The following COLEC10 variants were observed in gnomAD, a reference collection of about 807,000 sequenced individuals.
COLEC10 encodes collectin-10.
A neutral mutation model predicts 28.4 loss-of-function variants in COLEC10; 22 were observed. The ratio of observed to expected loss-of-function variants is 0.78; its 90% CI spans 0.55 to 1.11. The LOEUF (loss-of-function observed/expected upper bound fraction) is 1.11, where lower values mean the gene tolerates loss of function less well. Among genes scored for constraint, COLEC10 ranks in the 50% least tolerant of loss-of-function variants. The pLI, the probability that COLEC10 is intolerant of heterozygous loss-of-function variation, is 0.00. For synonymous variants in COLEC10, 125 were observed against 116.1 expected, an observed-to-expected ratio of 1.08 and a Z score of -0.49; for missense variants, 361 against 344.1, an observed-to-expected ratio of 1.05 and a Z score of -0.39.
At chr8:119,067,584 G>T (rs1814996838) in intron 1 of COLEC10, 155 bp downstream of exon 1, 3 of 660,404 alleles carry the variant, frequency 4.5e-6, no homozygotes, top group Non-Finnish European at 7.5e-6. Flanking sequence ...TTCCAGATCT[G>T]GTCTGTTACT....
chr8:119,070,493 C>G (rs13252021), intron 1 of COLEC10, among the ~76,000 whole-genome samples: 1 of 93,070 alleles, frequency 1.1e-5, no homozygotes, highest in African/African-American at 4.3e-5. Flanking sequence ...CCCTCCTTCC[C>G]TCCCTCTCTC....
intron 1 of COLEC10, among the ~76,000 whole-genome samples, chr8:119,071,863 C>T (rs1356253300): frequency 1.3e-5 from 2 of 152,180 alleles, no homozygotes; most frequent in Non-Finnish European, 1.5e-5. Context: ...AATCTATTAA[C>T]ACAACTATTT....
upstream of COLEC10, among the ~76,000 whole-genome samples, chr8:119,065,339 C>A (rs566306580): frequency 3.3e-5 from 5 of 152,190 alleles, no homozygotes; most frequent in African/African-American, 4.8e-5. Flanking sequence ...CATAGGAGCA[C>A]AAACCCTATT....
the COLEC10 span, among the ~76,000 whole-genome samples, chr8:118,960,864 G>C: frequency 5.3e-5 from 8 of 150,978 alleles, no homozygotes; most frequent in Non-Finnish European, 1.2e-4. Context: ...CAGACAATAT[G>C]GATCACCTGT....
At chr8:119,077,165 T>C (rs1381541628) in intron 1 of COLEC10, among the ~76,000 whole-genome samples, 1 of 151,872 alleles carries the variant, frequency 6.6e-6, no homozygotes, top group East Asian at 1.9e-4. Context: ...CTTTCCTCAA[T>C]TGGAGCACAC....
intron 2 of COLEC10, among the ~76,000 whole-genome samples, chr8:119,013,802 A>G (rs1813942769): frequency 6.6e-6 from 1 of 150,450 alleles, no homozygotes; most frequent in South Asian, 2.1e-4. Flanking sequence ...CTTTATTTTG[A>G]TTAGTATTAG....
the COLEC10 span, among the ~76,000 whole-genome samples, chr8:118,958,485 T>G: frequency 6.6e-6 from 1 of 152,234 alleles, no homozygotes; most frequent in Non-Finnish European, 1.5e-5. Context: ...GACTTACTTG[T>G]TCTAACTCCT....
At chr8:119,019,953 C>T (rs1268130429) in intron 2 of COLEC10, among the ~76,000 whole-genome samples, 2 of 152,172 alleles carry the variant, frequency 1.3e-5, no homozygotes, top group East Asian at 3.9e-4. Flanking sequence ...TACAAGTTTA[C>T]ATTTGATTCT....
At chr8:119,091,601 GAAAGAAAGAA>G (rs748171954) in intron 3 of COLEC10, among the ~76,000 whole-genome samples, 51,259 of 118,824 alleles carry the variant, frequency 0.43, 9,854 homozygotes, top group Middle Eastern at 0.5. Context: ...GAGAGAGAAA[GAAAGAAAGAA>G]AGAAAGAAAG....
the COLEC10 span, among the ~76,000 whole-genome samples, chr8:118,956,479 C>T: frequency 1.3e-5 from 2 of 152,238 alleles, no homozygotes; most frequent in South Asian, 4.1e-4. Context: ...CCTCAGCAGT[C>T]CATAACAGGG....
intron 1 of COLEC10, among the ~76,000 whole-genome samples, chr8:119,083,079 A>C (rs1815399109): frequency 2.0e-5 from 3 of 152,222 alleles, no homozygotes; most frequent in Admixed American, 6.5e-5. Context: ...AGGTCAACAC[A>C]AACCAAACTT....
intron 1 of COLEC10, among the ~76,000 whole-genome samples, chr8:119,079,213 C>T (rs1423544118): frequency 6.6e-6 from 1 of 152,140 alleles, no homozygotes; most frequent in African/African-American, 2.4e-5. Context: ...GCTCTCACTA[C>T]CTTCTAAGCA....
At chr8:118,985,708 A>G in the COLEC10 span, among the ~76,000 whole-genome samples, 1 of 152,164 alleles carries the variant, frequency 6.6e-6, no homozygotes, top group South Asian at 2.1e-4. Context: ...GAAGAAAGAG[A>G]TAAAGAAAAT....
chr8:119,076,067 ATTTTTTTTTTTTT>A (rs11330366), intron 1 of COLEC10, among the ~76,000 whole-genome samples: 1 of 90,094 alleles, frequency 1.1e-5, no homozygotes. Context: ...CGCCCGGCTA[ATTTTTTTTTTTTT>A]TTTTTTTTTT....
chr8:119,097,624 T>C (rs1489500107), intron 3 of COLEC10, among the ~76,000 whole-genome samples: 1 of 152,084 alleles, frequency 6.6e-6, no homozygotes, highest in Non-Finnish European at 1.5e-5. Context: ...CCCTTCAAAC[T>C]GTATAAGCTT....
upstream of COLEC10, among the ~76,000 whole-genome samples, chr8:119,064,580 A>G (rs1814918868): frequency 6.6e-6 from 1 of 152,204 alleles, no homozygotes; most frequent in African/African-American, 2.4e-5. Flanking sequence ...GATTTGCTCT[A>G]TGTCACATAT....
intron 5 of COLEC10, among the ~76,000 whole-genome samples, chr8:119,104,548 G>C (rs1324095311): frequency 6.6e-6 from 1 of 152,080 alleles, no homozygotes. Flanking sequence ...GAAGTGGAAA[G>C]GGCTTATGTA....
intron 1 of COLEC10, among the ~76,000 whole-genome samples, chr8:119,069,629 A>AAAAATTTATATATATATATATATATATAT (rs1554627284): frequency 2.3e-5 from 1 of 42,876 alleles, no homozygotes; most frequent in East Asian, 9.6e-4. Flanking sequence ...AAAAAAAAAA[A>AAAAATTTATATATATATATATATATATAT]ATATATATAT....
intron 2 of COLEC10, among the ~76,000 whole-genome samples, chr8:119,034,070 G>C (rs1020079573): frequency 2.6e-5 from 4 of 152,120 alleles, no homozygotes; most frequent in Admixed American, 2.6e-4. Context: ...ACATAAAAAA[G>C]GATGAGTTCA....
Sources: gnomAD v4.1 joint callset for allele counts (sites outside exome capture counted in the v4.1 genomes callset) on GRCh38, gnomAD v4.1.1 for gene constraint, MANE v1.5 for transcripts, NCBI Gene and HGNC (gene_info 2026-07-23, HGNC 2026-07-21) for gene names.